PRELID2: variants seen among roughly 807,000 people sequenced by gnomAD.
The protein encoded by PRELID2 is PRELI domain-containing protein 2.
Under a neutral mutation model 28.4 loss-of-function variants are expected in PRELID2, and 25 were observed. The observed-to-expected ratio is 0.88, with a 90% CI of 0.64 to 1.23. The LOEUF (loss-of-function observed/expected upper bound fraction) is 1.23, where lower values mean the gene tolerates loss of function less well. Among genes scored for constraint, PRELID2 ranks in the 50% most tolerant of loss-of-function variants. PRELID2 has a pLI of 0.00. For missense variants in PRELID2, 201 were observed against 214.4 expected, an observed-to-expected ratio of 0.94 and a Z score of 0.39; for synonymous variants, 76 against 71.6, an observed-to-expected ratio of 1.06 and a Z score of -0.31.
intron 1 of PRELID2, among the ~76,000 whole-genome samples, chr5:145,747,975 CT>C (rs1484819705): frequency 9.2e-5 from 14 of 152,270 alleles, no homozygotes; most frequent in African/African-American, 3.4e-4. Context: ...ATGTTAAAAA[CT>C]CTCAATAAAC....
chr5:145,740,273 TA>T (rs1756623180), intron 1 of PRELID2, among the ~76,000 whole-genome samples: 3 of 20,998 alleles, frequency 1.4e-4, no homozygotes, highest in Non-Finnish European at 2.3e-4. Context: ...CAAATATATA[TA>T]TATATATATA....
intron 1 of PRELID2, among the ~76,000 whole-genome samples, chr5:145,530,390 A>G (rs1434921359): frequency 6.6e-6 from 1 of 152,112 alleles, no homozygotes; most frequent in African/African-American, 2.4e-5. Flanking sequence ...AACACCTTGG[A>G]GAATCAGAGG....
At chr5:145,425,547 A>G in the PRELID2 span, among the ~76,000 whole-genome samples, 62,767 of 152,022 alleles carry the variant, frequency 0.41, 13,296 homozygotes, top group Admixed American at 0.49. Flanking sequence ...AAGTGTGGTA[A>G]ACATACACCA....
At chr5:145,232,708 T>C in the PRELID2 span, among the ~76,000 whole-genome samples, 5 of 152,114 alleles carry the variant, frequency 3.3e-5, no homozygotes, top group Non-Finnish European at 7.3e-5. Flanking sequence ...ACCTCTGTAA[T>C]AGAAAAAAAT....
chr5:145,363,113 T>TAA, the PRELID2 span, among the ~76,000 whole-genome samples: 3 of 101,384 alleles, frequency 3.0e-5, no homozygotes, highest in African/African-American at 8.6e-5. Context: ...ATCATGGCTA[T>TAA]AAGAAAAAAA....
At chr5:145,401,907 G>T in the PRELID2 span, among the ~76,000 whole-genome samples, 12 of 152,138 alleles carry the variant, frequency 7.9e-5, no homozygotes, top group East Asian at 2.1e-3. Context: ...TATTTGCCTG[G>T]GTAACTACTA....
chr5:145,369,239 C>T, the PRELID2 span, among the ~76,000 whole-genome samples: 1 of 151,848 alleles, frequency 6.6e-6, no homozygotes, highest in Non-Finnish European at 1.5e-5. Flanking sequence ...TAGTTTGCTG[C>T]ACCTATTAAC....
chr5:145,247,368 A>G, the PRELID2 span, among the ~76,000 whole-genome samples: 2 of 152,082 alleles, frequency 1.3e-5, no homozygotes, highest in African/African-American at 4.8e-5. Flanking sequence ...TTCCATGACA[A>G]TTCCCCTGTT....
At chr5:145,514,705 G>A (rs1329104293) in intron 1 of PRELID2, among the ~76,000 whole-genome samples, 1 of 152,036 alleles carries the variant, frequency 6.6e-6, no homozygotes, top group Non-Finnish European at 1.5e-5. Context: ...ATTCTTCTCA[G>A]CATCACATCA....
At chr5:145,609,742 C>G (rs79428839) in intron 1 of PRELID2, among the ~76,000 whole-genome samples, 21,296 of 152,174 alleles carry the variant, frequency 0.14, 2,199 homozygotes, top group African/African-American at 0.27. Context: ...AGAAGTGGAA[C>G]CACTGGGCTA....
intron 1 of PRELID2, among the ~76,000 whole-genome samples, chr5:145,568,229 T>C (rs1289620487): frequency 1.3e-5 from 2 of 152,206 alleles, no homozygotes; most frequent in Non-Finnish European, 2.9e-5. Context: ...AGAGGCCAAG[T>C]GCACTCTAAT....
rs376305397 is a variant in PRELID2 at position 145,609,768 on chromosome 5, A to T, written n.71-136453T>A. 1.4e-4 allele frequency among the ~76,000 whole-genome samples: 21 copies of T among 152,322 alleles called. No individual in the cohort carries two copies. The East Asian group carries it at 1.9e-3, about 14-fold the overall frequency. Reference sequence around the variant, plus strand: ...CACTGGGCTAGGAACTCTAGCGGGCATTTCCTGCCTGGCTACCAGTGGCAG... The same window carrying T: ...CACTGGGCTAGGAACTCTAGCGGGCTTTTCCTGCCTGGCTACCAGTGGCAG... On this transcript the variant is annotated intron_variant and non_coding_transcript_variant, in intron 1 of 2. Coordinates refer to the PRELID2 transcript ENST00000510259.
At chr5:145,801,409 T>TC (rs1561625247) in intron 4 of PRELID2, among the ~76,000 whole-genome samples, 2 of 152,170 alleles carry the variant, frequency 1.3e-5, no homozygotes, top group East Asian at 3.9e-4. Context: ...TGTTTCATCA[T>TC]CCTCAAGACA....
At chr5:145,574,506 C>T (rs1478808678) in intron 1 of PRELID2, among the ~76,000 whole-genome samples, 1 of 152,220 alleles carries the variant, frequency 6.6e-6, no homozygotes, top group Non-Finnish European at 1.5e-5. Flanking sequence ...GGCACTGGTG[C>T]TAGTGAAATT....
At chr5:145,478,800 G>T (rs370662234) in intron 1 of PRELID2, among the ~76,000 whole-genome samples, 2 of 152,002 alleles carry the variant, frequency 1.3e-5, no homozygotes, top group Non-Finnish European at 2.9e-5. Context: ...TTTTACCCAC[G>T]CTGTCTTTTG....
chr5:145,280,897 A>C, the PRELID2 span, among the ~76,000 whole-genome samples: 1 of 152,024 alleles, frequency 6.6e-6, no homozygotes. Context: ...ACAGCAACCC[A>C]AAACTGGCTT....
chr5:145,672,576 A>G (rs1269426475), intron 1 of PRELID2, among the ~76,000 whole-genome samples: 1 of 151,870 alleles, frequency 6.6e-6, no homozygotes, highest in Non-Finnish European at 1.5e-5. Flanking sequence ...TGTCTCTCTC[A>G]TCTCTTCATC....
At chr5:145,410,746 G>T in the PRELID2 span, among the ~76,000 whole-genome samples, 2 of 151,976 alleles carry the variant, frequency 1.3e-5, no homozygotes, top group African/African-American at 2.4e-5. Flanking sequence ...ATTTTGGGTG[G>T]GGACACAGCC....
chr5:145,325,561 A>C, the PRELID2 span, among the ~76,000 whole-genome samples: 1 of 152,228 alleles, frequency 6.6e-6, no homozygotes, highest in Admixed American at 6.5e-5. Flanking sequence ...GGGACTTAAA[A>C]TAACCCTGTG....
Sources: allele counts gnomAD v4.1 joint callset (sites outside exome capture counted in the v4.1 genomes callset), GRCh38; gene constraint gnomAD v4.1.1; transcripts MANE v1.5; gene names NCBI Gene and HGNC (gene_info 2026-07-23, HGNC 2026-07-21).